Variants in PPAN observed in about 807,000 individuals in gnomAD.
PPAN encodes the protein peter pan homolog, also known as suppressor of SWI4 1 homolog.
PPAN carries 39 observed loss-of-function variants against 48.5 expected under a neutral mutation model. The ratio of observed to expected loss-of-function variants is 0.80; its 90% confidence interval spans 0.62 to 1.05. The LOEUF (loss-of-function observed/expected upper bound fraction) is 1.05. PPAN is among the 50% of genes least tolerant of loss of function. PPAN has a pLI of 0.00. For synonymous variants in PPAN, 315 were observed against 268.6 expected (o/e 1.17, Z -1.69); for missense variants, 736 against 661.7 (o/e 1.11, Z -1.23).
chr19:10,111,482 C>T lies in PPAN; in HGVS notation c.*317C>T, dbSNP rs969542063. 3.2e-6 allele frequency: 2 copies of T among 626,050 alleles called. No individual in the cohort carries two copies. The highest frequency in any genetic ancestry group is 2.8e-5 in the Admixed American group (1 of 35,832). The allele number at this position is 626,050 out of a possible 1,614,324, so 38.8% of individuals were successfully genotyped here. On this transcript the variant is annotated 3_prime_UTR_variant, in exon 12 of 12. Transcript: ENST00000253107. ...AGCAGCCATGAGTGGCCCCTCCCCC[C>T]AGTCCCACCAAAGAGCCGTGCAAGC...
chr19:10,107,894 G>C, intron 4 of PPAN, 40 bp downstream of exon 4: 2 of 1,606,770 alleles, frequency 1.2e-6, no homozygotes, highest in Non-Finnish European at 1.7e-6. Flanking sequence ...TGTGGGGTGG[G>C]AGCTGGACTT....
chr19:10,110,147 G>A lies in PPAN; in HGVS notation c.723G>A (p.Glu241=), dbSNP rs1041178764. The A allele has an allele frequency of 2.5e-6, 4 of 1,610,452 alleles. No homozygotes were observed. Among genetic ancestry groups the A allele is most frequent in the Non-Finnish European group, 3.4e-6 (4 of 1,179,944 alleles). ...GGGGCGCGGGGCTGTCGGAGAGCGA[G>A]GCAGAGCCTGACGGCGACCACAACA... ...LATGAGLSES[E]AEPDGDHNIT... The change falls in exon 8 of 12, where the codon GAG becomes GAA. Residue 241 remains glutamate, a synonymous_variant. Transcript: ENST00000253107. The surrounding 1 kb of genome is among the most constrained non-coding windows in gnomAD (Gnocchi z 5.9).
rs199660994 is a variant in PPAN, at chr19:10,111,741, G to T, written c.*576G>T. On this transcript the variant is annotated 3_prime_UTR_variant, in exon 12 of 12. Transcript: ENST00000253107. ...GGGAGCATGGCAGCCAACGTCTCGG[G>T]TAAGGAGAAGGCATGTTGGCTGTCT... 6.2e-7 allele frequency: 1 copy of T among 1,613,654 alleles called. No homozygotes were observed. Among genetic ancestry groups the T allele is most frequent in the East Asian group, 2.2e-5 (1 of 44,870 alleles).
Position 10,110,946 on chromosome 19 carries a change from C to A in PPAN, c.1203C>A (p.Asp401Glu). ...CQAVGEAPSE[D>E]LFPEAKQKRL... ...CCCTGACACTGTCTCTCCCCACAGA[C>A]CTGTTCCCCGAGGCCAAGCAGAAAC... The change falls in exon 12 of 12, where the codon GAC (aspartate) becomes GAA (glutamate). Residue 401 changes from aspartate to glutamate, a missense_variant and splice_region_variant. Coordinates refer to ENST00000253107, the MANE Select transcript of PPAN (RefSeq NM_020230.7). The surrounding 1 kb of genome is among the most constrained non-coding windows in gnomAD (Gnocchi z 5.9). The A allele has an allele frequency of 1.9e-6, 3 of 1,613,400 alleles. No homozygotes were observed. Among genetic ancestry groups the A allele is most frequent in the Middle Eastern group, 1.6e-4 (1 of 6,062 alleles).
chr19:10,107,969 G>A lies in PPAN; in HGVS notation c.348G>A (p.Ser116=), dbSNP rs145434458. The A allele has an allele frequency of 4.6e-5, 74 of 1,607,484 alleles. No individual in the cohort carries two copies. The East Asian group carries it at 1.6e-3, about 34-fold the overall frequency. ...PTLTFQVKKY[S]LVRDVVSSLR... is the part of the protein sequence containing the mutation. ...TCCTCTCTCCTGTCCTACAGTACTC[G>A]CTGGTGCGTGATGTGGTCTCCTCAC... Residue 116 remains serine, a synonymous_variant, in exon 5 of 12, where the codon TCG becomes TCA. Coordinates refer to ENST00000253107, the MANE Select transcript of PPAN (RefSeq NM_020230.7).
intron 5 of PPAN, among the ~76,000 whole-genome samples, chr19:10,109,372 A>G (rs2088958950): frequency 6.6e-6 from 1 of 152,102 alleles, no homozygotes; most frequent in South Asian, 2.1e-4. Flanking sequence ...GGCGTGCACC[A>G]CCACATCCAA....
rs2305791 is a variant in PPAN, at chr19:10,107,848, C to A, written c.336C>A (p.Val112=). Residue 112 remains valine (V), a synonymous_variant, in exon 4 of 12, where the codon GTC becomes GTA. Transcript: ENST00000253107. ...LPGGPTLTFQ[V]KKYSLVRDVV... ...GAGGCCCCACCTTGACCTTCCAGGT[C>A]AAGAAGGTGAGAGGGGTGGAGGTGG... The A allele has an allele frequency of 6.2e-7, 1 of 1,612,748 alleles. No homozygotes were observed. Among genetic ancestry groups the A allele is most frequent in the South Asian group, 1.1e-5 (1 of 91,040 alleles).
Position 10,111,734 on chromosome 19 carries a change from G to C in PPAN, c.*569G>C, listed in dbSNP as rs140237295. The stretch of plus-strand genomic sequence containing the variant: ...TCGGCACGGGAGCATGGCAGCCAAC[G>C]TCTCGGGTAAGGAGAAGGCATGTTG... On this transcript the variant is annotated 3_prime_UTR_variant, in exon 12 of 12. Coordinates refer to ENST00000253107, the MANE Select transcript of PPAN (RefSeq NM_020230.7). The C allele has an allele frequency of 6.2e-7, 1 of 1,613,656 alleles. No individual in the cohort carries two copies. The highest frequency in any genetic ancestry group is 8.5e-7 in the Non-Finnish European group (1 of 1,179,804).
Position 10,110,396 on chromosome 19 carries a change from A to G in PPAN, c.895A>G (p.Ser299Gly), listed in dbSNP as rs757962826. Reference protein sequence around the residue: ...GVGEGKVMFHSFVSKTEEELQ... With the variant: ...GVGEGKVMFHGFVSKTEEELQ... ...CGGGGAGGGCAAAGTGATGTTCCAC[A>G]GTTTTGGTGAGGCCGGGGCCGCCGG... is the stretch of plus-strand genomic sequence containing the variant. Residue 299 changes from serine to glycine, a missense_variant, in exon 9 of 12, where the codon AGT becomes GGT. Physicochemically the swap from Ser to Gly is moderately conservative, Grantham distance 56 (BLOSUM62 0). Transcript: ENST00000253107. This position sits in a 1 kb window ranked among gnomAD's most constrained non-coding sequence, Gnocchi z 5.9. 3.1e-6 allele frequency: 5 copies of G among 1,612,602 alleles called. No homozygotes were observed. Among genetic ancestry groups the G allele is most frequent in the Admixed American group, 3.3e-5 (2 of 59,958 alleles).
rs2088891937 is a variant in PPAN, at chr19:10,107,938, AC to A, written c.343-21del. ...CCGCAGCCATGTGTGGTTGGTGGTC[AC>A]CCCCTCCTCTCTCCTGTCCTACAGT... On this transcript the variant is annotated intron_variant, in intron 4 of 11. Coordinates refer to ENST00000253107, the MANE Select transcript of PPAN (RefSeq NM_020230.7). 4 of 1,597,652 alleles carry A rather than the reference AC, an allele frequency of 2.5e-6. No individual in the cohort carries two copies. The East Asian group carries it at 9.0e-5, about 36-fold the overall frequency.
intron 5 of PPAN, among the ~76,000 whole-genome samples, chr19:10,108,688 G>A (rs967835301): frequency 9.9e-5 from 15 of 151,318 alleles, no homozygotes; most frequent in Admixed American, 7.9e-4. Context: ...GGAGGTCAAG[G>A]CTGCAGTGAG....
In PPAN at chr19:10,108,006, C is replaced by T. The variant is rs767328095; in HGVS notation, c.385C>T (p.Arg129Cys). ...RDVVSSLRRH[R>C]MHEQQFAHPP... The stretch of plus-strand genomic sequence containing the variant: ...TGTGGTCTCCTCACTGCGCCGGCAC[C>T]GCATGCACGAGCAGCAGTTTGCCCA... The change falls in exon 5 of 12, where the codon CGC (arginine) becomes TGC (cysteine). Residue 129 changes from arginine (R) to cysteine (C), a missense_variant. By Grantham distance (180) the Arg-to-Cys change is radical. Coordinates refer to ENST00000253107, the MANE Select transcript of PPAN (RefSeq NM_020230.7). 41 of 1,612,380 alleles carry T rather than the reference C, an allele frequency of 2.5e-5. No individual in the cohort carries two copies. The highest frequency in any genetic ancestry group is 3.0e-5 in the Non-Finnish European group (35 of 1,179,114).
chr19:10,106,629 C>T lies in PPAN; in HGVS notation c.147C>T (p.Asp49=). The change falls in exon 2 of 12, where the codon GAC becomes GAT. Residue 49 remains aspartate, a synonymous_variant. Transcript: ENST00000253107. ...TGRNIRQLSL[D]VRRVMEPLTA... is the part of the protein sequence containing the mutation. ...GCAACATCCGGCAGCTCAGCCTGGA[C>T]GTGCGGCGGGTCATGGAGCCGCTCA... 1 of 1,549,104 alleles carries T rather than the reference C, an allele frequency of 6.5e-7. No homozygotes were observed. Among genetic ancestry groups the T allele is most frequent in the Non-Finnish European group, 8.7e-7 (1 of 1,147,250 alleles).
chr19:10,109,738 G>A (rs972117330), intron 6 of PPAN, 31 bp downstream of exon 6: 1 of 1,608,000 alleles, frequency 6.2e-7, no homozygotes, highest in Non-Finnish European at 8.5e-7. Context: ...GGAGACGAGG[G>A]GGTGCCGGGT....
At position 10,110,124 on chromosome 19, in the gene PPAN, G is replaced by A; in HGVS notation, c.700G>A (p.Gly234Ser). 6.2e-7 allele frequency: 1 copy of A among 1,611,060 alleles called. No individual in the cohort carries two copies. The highest frequency in any genetic ancestry group is 8.5e-7 in the Non-Finnish European group (1 of 1,179,886). The change falls in exon 8 of 12, where the codon GGC becomes AGC. Residue 234 changes from glycine to serine, a missense_variant and splice_region_variant. By Grantham distance (56) the Gly-to-Ser change is moderately conservative (BLOSUM62 0). Coordinates refer to ENST00000253107, the MANE Select transcript of PPAN (RefSeq NM_020230.7). This position sits in a 1 kb window ranked among gnomAD's most constrained non-coding sequence, Gnocchi z 5.9. The part of the protein sequence containing the change: ...LQDISELLAT[G>S]AGLSESEAEP... The stretch of plus-strand genomic sequence containing the variant: ...AGCCCTGTTATGTCCTACACACAGG[G>A]GCGCGGGGCTGTCGGAGAGCGAGGC...
intron 5 of PPAN, among the ~76,000 whole-genome samples, 156 bp from the exon 6 acceptor site, chr19:10,109,475 C>T (rs573528248): frequency 1.4e-4 from 22 of 152,330 alleles, no homozygotes; most frequent in South Asian, 1.2e-3. Flanking sequence ...CCCACCACTT[C>T]AGCCTCTGGA....
intron 5 of PPAN, among the ~76,000 whole-genome samples, chr19:10,108,486 G>A (rs531276423): frequency 2.0e-5 from 3 of 152,054 alleles, no homozygotes; most frequent in South Asian, 2.1e-4. Context: ...CTATGGCTTC[G>A]GCCTGTAATC....
At chr19:10,108,974 T>C (rs1156270746) in intron 5 of PPAN, among the ~76,000 whole-genome samples, 1 of 151,290 alleles carries the variant, frequency 6.6e-6, no homozygotes, top group Non-Finnish European at 1.5e-5. Flanking sequence ...TTTTTTTTTT[T>C]TTTTTGAGAC....
Position 10,111,005 on chromosome 19 carries a change from G to GGAA in PPAN, c.1263_1264insAAG (p.Arg421_Trp422insLys). 1 of 1,613,462 alleles carries GGAA rather than the reference G, an allele frequency of 6.2e-7. No homozygotes were observed. Among genetic ancestry groups the GGAA allele is most frequent in the Non-Finnish European group, 8.5e-7 (1 of 1,179,962 alleles). On this transcript the variant is annotated inframe_insertion, in exon 12 of 12. Transcript: ENST00000253107. ...AAGTCTCCAGGGCGGAAGCGGAAGC[G>GGAA]GTGGGAAATGGATCGAGGCAGGGGT... is the stretch of plus-strand genomic sequence containing the variant.
Sources: gnomAD v4.1 joint callset for allele counts (sites outside exome capture counted in the v4.1 genomes callset) on GRCh38, gnomAD v4.1.1 for gene constraint, Gnocchi (gnomAD v3.1) non-coding constraint, MANE v1.5 for transcripts, NCBI Gene and HGNC (gene_info 2026-07-23, HGNC 2026-07-21) for gene names.